The following PLAAT3 variants were observed in gnomAD, a reference collection of about 807,000 sequenced individuals.
PLAAT3 encodes the protein phospholipase A and acyltransferase 3.
PLAAT3 carries 21 observed loss-of-function variants against 16.7 expected under a neutral mutation model. That is an observed-to-expected ratio of 1.26 (90% CI 0.89 to 1.81). The LOEUF is 1.81. PLAAT3 is among the 40% of genes most tolerant of loss of function. The pLI, the probability that PLAAT3 is intolerant of heterozygous loss-of-function variation, is 0.00. For missense variants in PLAAT3, 219 were observed against 213.7 expected (o/e 1.02, Z -0.16); for synonymous variants, 76 against 81.7 (o/e 0.93, Z 0.38).
At chr11:63,607,505 A>AAAT (rs767827671) in intron 2 of PLAAT3, among the ~76,000 whole-genome samples, 77 of 151,876 alleles carry the variant, frequency 5.1e-4, no homozygotes, top group Middle Eastern at 3.4e-3. Context: ...AAAATTTAAA[A>AAAT]AATAATAATA....
intron 3 of PLAAT3, among the ~76,000 whole-genome samples, chr11:63,595,338 A>G (rs1227777055): frequency 6.6e-6 from 1 of 151,896 alleles, no homozygotes; most frequent in Non-Finnish European, 1.5e-5. Flanking sequence ...CTCTATTCAT[A>G]GCAGTCAAAA....
At chr11:63,589,055 C>A (rs1938062694) in intron 4 of PLAAT3, among the ~76,000 whole-genome samples, 1 of 141,548 alleles carries the variant, frequency 7.1e-6, no homozygotes, top group African/African-American at 2.6e-5. Context: ...TTTACTACTA[C>A]AATGTATTCA....
chr11:63,589,608 C>G (rs1249434723), intron 4 of PLAAT3, among the ~76,000 whole-genome samples: 2 of 152,130 alleles, frequency 1.3e-5, no homozygotes, highest in African/African-American at 2.4e-5. Flanking sequence ...TGTTTATAAG[C>G]ACGATCAGGC....
rs748851566 is a variant in PLAAT3, at chr11:63,589,409, C to CAAAAAAAAAAA, written c.387+690_387+691insTTTTTTTTTTT. Reference sequence around the variant, plus strand: ...CTTCCCAATGTTCTTTTCACCTATGCAAAGAAAAAAAAAAAAAAAAAGATG... The same window carrying CAAAAAAAAAAA: ...CTTCCCAATGTTCTTTTCACCTATGCAAAAAAAAAAAAAAGAAAAAAAAAAAAAAAAAGATG... On this transcript the variant is annotated intron_variant, in intron 4 of 4. Coordinates refer to ENST00000415826, the MANE Select transcript of PLAAT3 (RefSeq NM_001128203.2). 6.5e-5 allele frequency among the ~76,000 whole-genome samples: 2 copies of CAAAAAAAAAAA among 30,750 alleles called. 1 individual carries two copies. Among genetic ancestry groups the CAAAAAAAAAAA allele is most frequent in the Non-Finnish European group, 1.6e-4 (2 of 12,588 alleles). The allele number at this position is 30,750 out of a possible 152,430, so 20.2% of individuals were successfully genotyped here.
At chr11:63,605,833 T>A (rs1310674069) in intron 2 of PLAAT3, among the ~76,000 whole-genome samples, 1 of 152,236 alleles carries the variant, frequency 6.6e-6, no homozygotes, top group South Asian at 2.1e-4. Flanking sequence ...ATTACAGACA[T>A]GAGCCACCGC....
rs2017639775 is a variant in PLAAT3, at chr11:63,574,979, A to G, written c.455T>C (p.Val152Ala). ...TTGTCGCTTGTTTCTTGAGAACATG[A>G]CTCCAATAAGGCTCATGGCTGCCAA... ...MGLAAMSLIG[V>A]MFSRNKRQKQ Residue 152 changes from valine (V) to alanine (A), a missense_variant, in exon 5 of 5, where the codon GTC becomes GCC. Physicochemically the swap from Val to Ala is moderately conservative, Grantham distance 64 (BLOSUM62 0). Transcript: ENST00000415826. 6.2e-7 allele frequency: 1 copy of G among 1,612,526 alleles called. No homozygotes were observed. The highest frequency in any genetic ancestry group is 1.1e-5 in the South Asian group (1 of 91,062).
intron 2 of PLAAT3, among the ~76,000 whole-genome samples, chr11:63,611,429 G>A (rs1224534197): frequency 6.6e-6 from 1 of 152,144 alleles, no homozygotes; most frequent in East Asian, 1.9e-4. Context: ...TTACCATTGA[G>A]ATTTAATCAT....
At chr11:63,592,621 C>T (rs192321843) in intron 3 of PLAAT3, among the ~76,000 whole-genome samples, 116 of 152,320 alleles carry the variant, frequency 7.6e-4, no homozygotes, top group Admixed American at 1.2e-3. Flanking sequence ...GTTAAGTGCA[C>T]AGAATCAAGT....
At chr11:63,602,212 C>T (rs1406434791) in intron 2 of PLAAT3, among the ~76,000 whole-genome samples, 3 of 151,292 alleles carry the variant, frequency 2.0e-5, no homozygotes, top group Non-Finnish European at 4.4e-5. Flanking sequence ...ATCACTTGAA[C>T]CCAGGAGGCG....
chr11:63,597,306 C>T (rs999632606), intron 3 of PLAAT3, among the ~76,000 whole-genome samples: 5 of 152,182 alleles, frequency 3.3e-5, no homozygotes, highest in Non-Finnish European at 7.4e-5. Context: ...AGGTGGATCA[C>T]GAGGTCAGGA....
chr11:63,574,909 G>A lies in PLAAT3; in HGVS notation c.*36C>T, dbSNP rs747145044. ...TCTAGCAAAACAAGACCCCCTTGAT[G>A]TATAAAGTCATCGCTGACAGGACAG... is the stretch of plus-strand genomic sequence containing the variant. On this transcript the variant is annotated 3_prime_UTR_variant, in exon 5 of 5. Transcript: ENST00000415826. 8.0e-7 allele frequency: 1 copy of A among 1,257,712 alleles called. No homozygotes were observed. Among genetic ancestry groups the A allele is most frequent in the Non-Finnish European group, 1.2e-6 (1 of 854,116 alleles). The allele number at this position is 1,257,712 out of a possible 1,614,324, so 77.9% of individuals were successfully genotyped here.
At chr11:63,592,447 A>G (rs145466006) in intron 3 of PLAAT3, among the ~76,000 whole-genome samples, 2 of 152,320 alleles carry the variant, frequency 1.3e-5, no homozygotes, top group African/African-American at 2.4e-5. Flanking sequence ...AAGTTCTGGG[A>G]TTACAGGTGT....
At chr11:63,613,967 G>C in intron 2 of PLAAT3, 33 bp downstream of exon 2, 5 of 1,305,856 alleles carry the variant, frequency 3.8e-6, no homozygotes, top group Non-Finnish European at 5.6e-6. Flanking sequence ...GGGGCTCCCA[G>C]CCCCGCCCAG....
Position 63,575,021 on chromosome 11 carries a change from C to T in PLAAT3, c.413G>A (p.Ser138Asn). ...GGCTGCCAAGCCCATTCCTGCAACG[C>T]TTGCAGCGATGATGACATCTCTGAC... The part of the protein sequence containing the change: ...DQVRDVIIAA[S>N]VAGMGLAAMS... The change falls in exon 5 of 5, where the codon AGC (serine) becomes AAC (asparagine). Residue 138 changes from serine to asparagine, a missense_variant. Transcript: ENST00000415826. The T allele has an allele frequency of 6.2e-7, 1 of 1,613,210 alleles. No homozygotes were observed. The highest frequency in any genetic ancestry group is 8.5e-7 in the Non-Finnish European group (1 of 1,179,148).
At chr11:63,576,202 T>G (rs904081928) in intron 4 of PLAAT3, among the ~76,000 whole-genome samples, 2 of 152,104 alleles carry the variant, frequency 1.3e-5, no homozygotes, top group African/African-American at 4.8e-5. Context: ...CAGATCATCC[T>G]GCAGTGCAAC....
In PLAAT3 at chr11:63,598,066, G is replaced by A. The variant is rs970265236; in HGVS notation, c.113C>T (p.Pro38Leu). ...VGDGYVVHLA[P>L]PSEVAGAGAA... ...GAGGTCCCATGTGTTCTTACTTGGA[G>A]GGGCCAGATGAACCACATATCCATC... Residue 38 changes from proline to leucine, a missense_variant, in exon 3 of 5, where the codon CCT (proline) becomes CTT (leucine). By Grantham distance (98) the Pro-to-Leu change is moderately conservative. Transcript: ENST00000415826. 4 of 1,608,312 alleles carry A rather than the reference G, an allele frequency of 2.5e-6. No homozygotes were observed. The highest frequency in any genetic ancestry group is 3.4e-6 in the Non-Finnish European group (4 of 1,174,616).
intron 3 of PLAAT3, among the ~76,000 whole-genome samples, chr11:63,593,035 CCTTCCCCAACCCT>C (rs1400503326): frequency 2.0e-5 from 3 of 152,132 alleles, no homozygotes; most frequent in Admixed American, 6.6e-5. Context: ...GCTTGTCATG[CCTTCCCCAACCCT>C]CTATCTACCA....
At chr11:63,594,623 GA>G (rs1938238118) in intron 3 of PLAAT3, among the ~76,000 whole-genome samples, 2 of 152,034 alleles carry the variant, frequency 1.3e-5, no homozygotes, top group African/African-American at 4.8e-5. Flanking sequence ...AAGAAAAAAA[GA>G]AAAAGAAAAA....
At chr11:63,598,762 AC>A (rs1485659426) in intron 2 of PLAAT3, 1 of 514,358 alleles carries the variant, frequency 1.9e-6, no homozygotes, top group Non-Finnish European at 3.9e-6. Context: ...ACTCCCCAAC[AC>A]CTGGCCTGGG....
Sources: allele counts gnomAD v4.1 joint callset (sites outside exome capture counted in the v4.1 genomes callset), GRCh38; gene constraint gnomAD v4.1.1; transcripts MANE v1.5; gene names NCBI Gene and HGNC (gene_info 2026-07-23, HGNC 2026-07-21).